The following PUM2 variants were observed in gnomAD, a reference collection of about 807,000 sequenced individuals.
The protein encoded by PUM2 is pumilio RNA binding family member 2.
PUM2 carries 57 observed loss-of-function variants against 124.5 expected under a neutral mutation model. The ratio of observed to expected loss-of-function variants is 0.46; its 90% CI spans 0.37 to 0.57. PUM2 has a LOEUF of 0.57. Among genes scored for constraint, PUM2 ranks in the 20% least tolerant of loss-of-function variants. The probability of loss-of-function intolerance (pLI) is 0.00; values close to 1 mark genes in which losing one functional copy is unlikely to be tolerated. For synonymous variants in PUM2, 460 were observed against 446.1 expected (o/e 1.03, Z -0.39); for missense variants, 1,065 against 1,290.6 (o/e 0.83, Z 2.68).
chr2:20,321,583 G>A lies in PUM2; in HGVS notation c.52-2938C>T, dbSNP rs1682382570. Among the ~76,000 whole-genome samples, 9 of 151,994 alleles carry A rather than the reference G, an allele frequency of 5.9e-5. No individual in the cohort carries two copies. In the South Asian group the frequency reaches 1.9e-3, roughly 31 times the overall value. ...AGCTGGTGACTAATAATAGGTTAAA[G>A]TGAACTAAATGTAGGGGAAGGCAAC... On this transcript the variant is annotated intron_variant, in intron 2 of 20. Transcript: ENST00000361078.
At chr2:20,346,215 G>C (rs772099551) in intron 1 of PUM2, among the ~76,000 whole-genome samples, 2 of 152,082 alleles carry the variant, frequency 1.3e-5, no homozygotes, top group African/African-American at 4.8e-5. Flanking sequence ...ATGTTGAATT[G>C]GTTTTAAAGA....
At chr2:20,252,178 CAATT>C (rs1558463642) in intron 20 of PUM2, among the ~76,000 whole-genome samples, 1 of 152,134 alleles carries the variant, frequency 6.6e-6, no homozygotes, top group Non-Finnish European at 1.5e-5. Flanking sequence ...CAGAAACACT[CAATT>C]AAAAGATAGG....
chr2:20,342,323 G>T (rs748436421), intron 1 of PUM2, among the ~76,000 whole-genome samples: 1 of 152,088 alleles, frequency 6.6e-6, no homozygotes, highest in Non-Finnish European at 1.5e-5. Context: ...AGAAATAAGT[G>T]ATCCCTTGTC....
chr2:20,300,376 C>T (rs749275872), intron 7 of PUM2, among the ~76,000 whole-genome samples: 2 of 152,084 alleles, frequency 1.3e-5, no homozygotes, highest in Non-Finnish European at 2.9e-5. Flanking sequence ...TGTGAACTCC[C>T]GACCTCAGGT....
chr2:20,311,719 C>T (rs1679648259), intron 4 of PUM2, 56 bp from the exon 5 acceptor site: 2 of 1,538,668 alleles, frequency 1.3e-6, no homozygotes, highest in Non-Finnish European at 1.8e-6. Flanking sequence ...AAAAAAAAGG[C>T]ACCATAAGGT....
At chr2:20,272,760 T>A (rs1383642403) in intron 13 of PUM2, among the ~76,000 whole-genome samples, 1 of 152,212 alleles carries the variant, frequency 6.6e-6, no homozygotes, top group Admixed American at 6.5e-5. Context: ...GGTATCTTTA[T>A]AATAGGGAGT....
intron 10 of PUM2, among the ~76,000 whole-genome samples, chr2:20,287,768 T>C (rs1673071550): frequency 6.6e-6 from 1 of 152,224 alleles, no homozygotes; most frequent in African/African-American, 2.4e-5. Flanking sequence ...TGGCAAGTTA[T>C]TGGATGTGGA....
chr2:20,349,522 T>G (rs1179676118), intron 1 of PUM2, among the ~76,000 whole-genome samples: 2 of 152,050 alleles, frequency 1.3e-5, no homozygotes, highest in Non-Finnish European at 2.9e-5. Flanking sequence ...ATTTTTGTTT[T>G]TTTTTTTTTA....
chr2:20,302,666 A>G (rs777396113), intron 7 of PUM2, among the ~76,000 whole-genome samples: 1 of 152,178 alleles, frequency 6.6e-6, no homozygotes, highest in Non-Finnish European at 1.5e-5. Flanking sequence ...CACTATTTTA[A>G]TTGTCATAGT....
At chr2:20,288,290 C>T (rs1673180331) in intron 10 of PUM2, among the ~76,000 whole-genome samples, 1 of 152,150 alleles carries the variant, frequency 6.6e-6, no homozygotes, top group Non-Finnish European at 1.5e-5. Context: ...TGAAATACCA[C>T]TCCGCAGAAA....
rs1237359922 is a variant in PUM2, at chr2:20,263,286, A to G, written c.2132T>C (p.Leu711Ser). ...GAAGCGGTTGTTTCTGAAATCTTCC[A>G]ATAATCTACTGCGGCCAGAAGGCAT... Reference protein sequence around the residue: ...DIMPSGRSRLLEDFRNNRFPN... With the variant: ...DIMPSGRSRLSEDFRNNRFPN... Residue 711 changes from leucine to serine, a missense_variant, in exon 14 of 21, where the codon TTG (leucine) becomes TCG (serine). Coordinates refer to ENST00000361078, the MANE Select transcript of PUM2 (RefSeq NM_015317.5). The G allele has an allele frequency of 6.2e-7, 1 of 1,613,644 alleles. No homozygotes were observed.
At chr2:20,338,109 ACT>A (rs1239083771) in intron 1 of PUM2, among the ~76,000 whole-genome samples, 3 of 152,262 alleles carry the variant, frequency 2.0e-5, no homozygotes, top group Non-Finnish European at 4.4e-5. Context: ...CAATTACGCT[ACT>A]CTCTAAAAGA....
At chr2:20,313,923 G>A (rs1006687011) in intron 3 of PUM2, among the ~76,000 whole-genome samples, 1 of 150,342 alleles carries the variant, frequency 6.7e-6, no homozygotes, top group Non-Finnish European at 1.5e-5. Context: ...CGGGTGGACT[G>A]CTTGACCTCA....
At chr2:20,288,860 T>C (rs1294013595) in intron 10 of PUM2, among the ~76,000 whole-genome samples, 1 of 152,200 alleles carries the variant, frequency 6.6e-6, no homozygotes, top group Non-Finnish European at 1.5e-5. Flanking sequence ...TGTGAGGGGA[T>C]CATGTGAACA....
At position 20,303,066 on chromosome 2, in the gene PUM2, C is replaced by T. The variant is rs1486213224; in HGVS notation, c.883+4912G>A. Among the ~76,000 whole-genome samples the T allele has an allele frequency of 2.0e-5, 3 of 152,140 alleles. No individual in the cohort carries two copies. In the East Asian group the frequency reaches 5.8e-4, roughly 29 times the overall value. ...TTACTTAATAATCTCAAAATCCATC[C>T]CCTAAGGCCTTTCTAATAAAAATTA... On this transcript the variant is annotated intron_variant, in intron 7 of 20. Transcript: ENST00000361078.
At chr2:20,260,222 T>C in intron 15 of PUM2, 115 bp downstream of exon 15, 1 of 1,160,292 alleles carries the variant, frequency 8.6e-7, no homozygotes, top group Non-Finnish European at 1.2e-6. Context: ...ATCTTATCCC[T>C]GGCTTATTAT....
chr2:20,273,723 C>G (rs928694449), intron 13 of PUM2, among the ~76,000 whole-genome samples: 1 of 152,154 alleles, frequency 6.6e-6, no homozygotes, highest in African/African-American at 2.4e-5. Flanking sequence ...AAGTAAGATT[C>G]TGTTGAGAGT....
chr2:20,268,550 G>A (rs191329311), intron 13 of PUM2, among the ~76,000 whole-genome samples: 311 of 152,236 alleles, frequency 2.0e-3, no homozygotes, highest in African/African-American at 6.9e-3. Flanking sequence ...CCCAGGAGGC[G>A]AAGGTTACAG....
intron 1 of PUM2, among the ~76,000 whole-genome samples, chr2:20,345,995 C>CA (rs1401617378): frequency 6.6e-6 from 1 of 152,180 alleles, no homozygotes; most frequent in Non-Finnish European, 1.5e-5. Flanking sequence ...AAAGAACTGG[C>CA]AAACAATTTA....
Sources: allele counts gnomAD v4.1 joint callset (sites outside exome capture counted in the v4.1 genomes callset), GRCh38; gene constraint gnomAD v4.1.1; transcripts MANE v1.5; gene names NCBI Gene and HGNC (gene_info 2026-07-23, HGNC 2026-07-21).